The following USP40 variants were observed in gnomAD, a reference collection of about 807,000 sequenced individuals.
The protein encoded by USP40 is ubiquitin carboxyl-terminal hydrolase 40.
USP40 carries 143 observed loss-of-function variants against 166.2 expected under a neutral mutation model. The observed-to-expected ratio is 0.86, with a 90% CI of 0.75 to 0.99. USP40 has a LOEUF of 0.99. Among genes scored for constraint, USP40 ranks in the 50% least tolerant of loss-of-function variants. The probability of loss-of-function intolerance (pLI) is 0.00; values close to 1 mark genes in which losing one functional copy is unlikely to be tolerated. For missense variants in USP40, 1,444 were observed against 1,479.7 expected (o/e 0.98, Z 0.40); for synonymous variants, 498 against 524.0 (o/e 0.95, Z 0.68).
Position 233,551,440 on chromosome 2 carries a change from C to A in USP40, c.773G>T (p.Arg258Leu). ...RFNFDFVKCE[R>L]YKETSCYTFP... is the part of the protein sequence containing the mutation. ...TGTATAACAGCTAGTTTCCTTGTAG[C>A]GTTCGCATTTCACAAAATCAAAATT... The change falls in exon 7 of 32, where the codon CGC (arginine) becomes CTC (leucine). Residue 258 changes from arginine (R) to leucine (L), a missense_variant. Transcript: ENST00000678225. 1 of 1,612,460 alleles carries A rather than the reference C, an allele frequency of 6.2e-7. No individual in the cohort carries two copies. Among genetic ancestry groups the A allele is most frequent in the East Asian group, 2.2e-5 (1 of 44,836 alleles).
intron 20 of USP40, among the ~76,000 whole-genome samples, chr2:233,510,719 T>A (rs189619604): frequency 1.1e-3 from 164 of 152,212 alleles, no homozygotes; most frequent in African/African-American, 3.7e-3. Context: ...ACACTATTTC[T>A]TCTACTATGA....
chr2:233,527,608 C>T, intron 12 of USP40, 30 bp from the exon 13 acceptor site: 1 of 1,547,316 alleles, frequency 6.5e-7, no homozygotes, highest in Non-Finnish European at 8.7e-7. Flanking sequence ...TACATAAATA[C>T]TGTGTTTTTA....
chr2:233,554,719 T>G (rs1416382861), intron 5 of USP40, among the ~76,000 whole-genome samples, 193 bp from the exon 6 acceptor site: 1 of 152,198 alleles, frequency 6.6e-6, no homozygotes, highest in African/African-American at 2.4e-5. Flanking sequence ...GAACTATAAT[T>G]TAGCTTAAAA....
chr2:233,556,682 G>A (rs1462732417), intron 5 of USP40, 173 bp downstream of exon 5: 2 of 482,698 alleles, frequency 4.1e-6, no homozygotes, highest in East Asian at 3.7e-5. Context: ...AATCTACATG[G>A]AGAAATCTGG....
In USP40 at chr2:233,527,538, G is replaced by A; in HGVS notation, c.1594C>T (p.Leu532Phe). ...AAATGATACTGAGGGCCCAGGTGAA[G>A]ATGCAATTCAAAAGTATTGTTTGCA... ...DSANNTFELHLHLGPQYHFFN... is the reference protein window; with the variant it reads ...DSANNTFELHFHLGPQYHFFN... Residue 532 changes from leucine (L) to phenylalanine (F), a missense_variant, in exon 13 of 32, where the codon CTT becomes TTT. Leu to Phe is a conservative substitution (Grantham distance 22). Transcript: ENST00000678225. 2 of 1,612,232 alleles carry A rather than the reference G, an allele frequency of 1.2e-6. No homozygotes were observed. The highest frequency in any genetic ancestry group is 1.7e-6 in the Non-Finnish European group (2 of 1,179,388).
intron 9 of USP40, 66 bp downstream of exon 9, chr2:233,542,202 T>C (rs761218815): frequency 3.5e-6 from 3 of 859,092 alleles, no homozygotes; most frequent in Non-Finnish European, 5.2e-6. Flanking sequence ...CTTACATATA[T>C]ACACACATGC....
intron 8 of USP40, among the ~76,000 whole-genome samples, chr2:233,547,673 T>C (rs114291046): frequency 1.5e-3 from 235 of 152,342 alleles, no homozygotes; most frequent in African/African-American, 5.6e-3. Flanking sequence ...AGACACCGGT[T>C]AGCACTTTCC....
Position 233,499,938 on chromosome 2 carries a change from A to G in USP40, c.2614-23T>C, listed in dbSNP as rs2065966745. 3.1e-6 allele frequency: 5 copies of G among 1,608,138 alleles called. No individual in the cohort carries two copies. In the South Asian group the frequency reaches 4.5e-5, roughly 14 times the overall value. ...ACACTGTAAAGAAAAACAATGTCCAATGTTAGTTTTCTGTTTCTGAGTTAC... is the reference window on the plus strand; with the variant it reads ...ACACTGTAAAGAAAAACAATGTCCAGTGTTAGTTTTCTGTTTCTGAGTTAC... On this transcript the variant is annotated intron_variant, in intron 21 of 31. Transcript: ENST00000678225.
At position 233,523,312 on chromosome 2, in the gene USP40, C is replaced by T. The variant is rs369693191; in HGVS notation, c.2059G>A (p.Val687Ile). ...CATCCAGCACTGTTGATGAAGATGA[C>T]ACCTGCTGGGATTGCTAAGGCTGTG... The part of the protein sequence containing the change: ...VLTALAIPAG[V>I]IFINSAGCPG... Residue 687 changes from valine to isoleucine, a missense_variant, in exon 16 of 32, where the codon GTC (valine) becomes ATC (isoleucine). By Grantham distance (29) the Val-to-Ile change is conservative. Coordinates refer to ENST00000678225, the MANE Select transcript of USP40 (RefSeq NM_001365479.2). The T allele has an allele frequency of 6.8e-6, 11 of 1,613,904 alleles. No individual in the cohort carries two copies. The highest frequency in any genetic ancestry group is 6.7e-5 in the African/African-American group (5 of 74,918).
At chr2:233,535,093 A>G (rs539468562) in intron 10 of USP40, among the ~76,000 whole-genome samples, 1 of 152,304 alleles carries the variant, frequency 6.6e-6, no homozygotes, top group East Asian at 1.9e-4. Context: ...AAGAAAAGGC[A>G]AGAGTCTTAC....
chr2:233,533,438 G>T, intron 11 of USP40, 41 bp downstream of exon 11: 1 of 1,564,840 alleles, frequency 6.4e-7, no homozygotes, highest in Non-Finnish European at 8.7e-7. Flanking sequence ...ATCTTCTAAA[G>T]CCATTAACTG....
At chr2:233,482,584 T>G (rs1207361363) in intron 30 of USP40, among the ~76,000 whole-genome samples, 1 of 145,784 alleles carries the variant, frequency 6.9e-6, no homozygotes, top group East Asian at 2.0e-4. Flanking sequence ...CCACTGGAGT[T>G]TTTTTTTTTT....
intron 21 of USP40, among the ~76,000 whole-genome samples, chr2:233,500,213 T>G (rs1290193434): frequency 2.0e-5 from 3 of 152,192 alleles, no homozygotes; most frequent in African/African-American, 7.2e-5. Flanking sequence ...CTGTAAGGAT[T>G]AACTGTGTGT....
At chr2:233,526,762 A>T (rs1418101584) in intron 13 of USP40, among the ~76,000 whole-genome samples, 6 of 152,202 alleles carry the variant, frequency 3.9e-5, no homozygotes, top group Non-Finnish European at 7.3e-5. Context: ...ATTTAGGACC[A>T]CAGGCAAGAC....
At chr2:233,502,696 C>T (rs2066158416) in intron 21 of USP40, among the ~76,000 whole-genome samples, 1 of 152,026 alleles carries the variant, frequency 6.6e-6, no homozygotes, top group South Asian at 2.1e-4. Context: ...TTTCCTCCAC[C>T]AAACCATGTC....
In USP40 at chr2:233,545,473, A is replaced by G. The variant is rs886276029; in HGVS notation, c.967-3110T>C. 3 of 152,250 alleles carry G rather than the reference A, an allele frequency of 2.0e-5. No individual in the cohort carries two copies. The South Asian group carries it at 6.2e-4, about 32-fold the overall frequency. 9.4% of individuals were successfully genotyped at this position (152,250 alleles called of 1,614,324 possible). A position where few individuals can be genotyped will look rare whatever the true frequency, so the allele number is the denominator to read the frequency against. ...AGCCTTCTTTGCCCCACTTCCTCAA[A>G]TGTGCAAGATGATGTTCCAAATGAT... is the stretch of plus-strand genomic sequence containing the variant. On this transcript the variant is annotated intron_variant, in intron 8 of 31. Coordinates refer to ENST00000678225, the MANE Select transcript of USP40 (RefSeq NM_001365479.2).
Position 233,533,640 on chromosome 2 carries a change from G to A in USP40, c.1310C>T (p.Ser437Phe), listed in dbSNP as rs2068717044. Residue 437 changes from serine (S) to phenylalanine (F), a missense_variant, in exon 11 of 32, where the codon TCC becomes TTC. Ser to Phe is a radical substitution (Grantham distance 155). Coordinates refer to ENST00000678225, the MANE Select transcript of USP40 (RefSeq NM_001365479.2). ...QQIFKMLPPE[S>F]PGLNNSISCP... ...GGAGATGCTATTGTTTAAACCTGGG[G>A]ATTCTGGAGGAAGCATCTTGAAAAT... The A allele has an allele frequency of 1.9e-6, 3 of 1,613,806 alleles. No homozygotes were observed. Among genetic ancestry groups the A allele is most frequent in the Non-Finnish European group, 2.5e-6 (3 of 1,179,812 alleles).
chr2:233,511,682 G>A (rs372120445), intron 20 of USP40, 27 bp downstream of exon 20: 2 of 1,584,176 alleles, frequency 1.3e-6, no homozygotes, highest in Non-Finnish European at 1.7e-6. Flanking sequence ...GGTTGATTTT[G>A]TTTTGAAACA....
rs1210682083 is a variant in USP40, at chr2:233,476,718, T to C, written c.*674A>G. The C allele has an allele frequency of 6.4e-6, 1 of 157,120 alleles. No homozygotes were observed. Among genetic ancestry groups the C allele is most frequent in the Non-Finnish European group, 1.4e-5 (1 of 70,734 alleles). The allele number at this position is 157,120 out of a possible 1,614,324, so 9.7% of individuals were successfully genotyped here. ...TAAGCTGGACCCTTGGCCTGCGGGC[T>C]GACGTGCAGCGGCTGCCCTTGCTTA... On this transcript the variant is annotated 3_prime_UTR_variant, in exon 32 of 32. Coordinates refer to ENST00000678225, the MANE Select transcript of USP40 (RefSeq NM_001365479.2).
Sources: gnomAD v4.1 joint callset for allele counts (sites outside exome capture counted in the v4.1 genomes callset) on GRCh38, gnomAD v4.1.1 for gene constraint, MANE v1.5 for transcripts, NCBI Gene and HGNC (gene_info 2026-07-23, HGNC 2026-07-21) for gene names.